Variants in OXR1 observed in about 807,000 individuals in gnomAD.
OXR1 encodes oxidation resistance 1.
Under a neutral mutation model 104.6 loss-of-function variants are expected in OXR1, and 41 were observed. The observed-to-expected ratio is 0.39, with a 90% confidence interval of 0.31 to 0.51. The LOEUF is 0.51. Among genes scored for constraint, OXR1 ranks in the 20% least tolerant of loss-of-function variants. The pLI is 0.77. For missense variants in OXR1, 955 were observed against 1,031.9 expected, an observed-to-expected ratio of 0.93 and a Z score of 1.02; for synonymous variants, 348 against 348.4, an observed-to-expected ratio of 1.00 and a Z score of 0.01.
intron 7 of OXR1, among the ~76,000 whole-genome samples, chr8:106,693,082 A>G (rs1295479119): frequency 6.6e-6 from 1 of 152,190 alleles, no homozygotes; most frequent in African/African-American, 2.4e-5. Context: ...GTTAAAAGTA[A>G]TGGAATATAA....
At chr8:106,700,441 G>A (rs1185046298) in intron 7 of OXR1, among the ~76,000 whole-genome samples, 1 of 152,184 alleles carries the variant, frequency 6.6e-6, no homozygotes, top group Non-Finnish European at 1.5e-5. Flanking sequence ...AGCCCCAGCT[G>A]TATGGGAACT....
intron 2 of OXR1, 102 bp downstream of exon 2, chr8:106,359,738 T>A: frequency 2.3e-6 from 2 of 852,564 alleles, no homozygotes; most frequent in Non-Finnish European, 3.8e-6. Context: ...AGAGAAAACT[T>A]AAAAATCTGG....
At chr8:106,422,531 T>TAA (rs5893791) in intron 2 of OXR1, among the ~76,000 whole-genome samples, 8 of 151,856 alleles carry the variant, frequency 5.3e-5, no homozygotes, top group African/African-American at 9.7e-5. Flanking sequence ...TATAAAATAG[T>TAA]AAAAAAAGAC....
intron 1 of OXR1, among the ~76,000 whole-genome samples, chr8:106,301,525 A>G (rs750874375): frequency 1.2e-4 from 18 of 152,172 alleles, no homozygotes; most frequent in Non-Finnish European, 1.5e-4. Context: ...TAGAAGAGCA[A>G]GGTTTGTATT....
chr8:106,627,396 CTGT>C (rs992137406), intron 3 of OXR1, among the ~76,000 whole-genome samples: 30 of 152,098 alleles, frequency 2.0e-4, no homozygotes, highest in African/African-American at 7.0e-4. Flanking sequence ...ATACTAAATG[CTGT>C]TGAGATAAGG....
intron 1 of OXR1, among the ~76,000 whole-genome samples, chr8:106,337,976 A>C (rs145732496): frequency 2.4e-4 from 36 of 152,154 alleles, no homozygotes; most frequent in African/African-American, 8.4e-4. Context: ...TTGTGGGAAA[A>C]CTCAGAGCAT....
chr8:106,403,883 ATGGG>A lies in OXR1; in HGVS notation c.23+44249_23+44252del, dbSNP rs755059335. Among the ~76,000 whole-genome samples the A allele has an allele frequency of 5.6e-4, 85 of 152,214 alleles. 1 individual carries two copies. Among genetic ancestry groups the A allele is most frequent in the Non-Finnish European group, 9.8e-4 (67 of 68,032 alleles). ...CTTTTGGAATGTAGCACAGCTCTTC[ATGGG>A]TCACACTTTGAACCTCACCTTTAGG... On this transcript the variant is annotated intron_variant, in intron 2 of 16. Transcript: ENST00000517566.
chr8:106,383,987 A>G (rs1487975126), intron 2 of OXR1, among the ~76,000 whole-genome samples: 2 of 152,222 alleles, frequency 1.3e-5, no homozygotes, highest in African/African-American at 4.8e-5. Flanking sequence ...AAAAGGTAGA[A>G]TGAATAGAAG....
intron 2 of OXR1, among the ~76,000 whole-genome samples, chr8:106,473,603 A>G (rs2129667208): frequency 6.6e-6 from 1 of 152,014 alleles, no homozygotes; most frequent in South Asian, 2.1e-4. Context: ...AAAAGGCTCT[A>G]AAAAGAGCCA....
intron 2 of OXR1, among the ~76,000 whole-genome samples, chr8:106,421,546 T>C (rs1022311361): frequency 5.9e-5 from 9 of 152,116 alleles, no homozygotes; most frequent in Admixed American, 5.9e-4. Context: ...GTCACATGGT[T>C]CTCACATGCC....
At chr8:106,739,686 T>C (rs1340889877) in intron 13 of OXR1, 103 bp downstream of exon 13, 1 of 1,041,696 alleles carries the variant, frequency 9.6e-7, no homozygotes, top group African/African-American at 1.6e-5. Flanking sequence ...GTTAATGCTA[T>C]TACTATTCCA....
chr8:106,313,103 T>C (rs1813776835), intron 1 of OXR1, among the ~76,000 whole-genome samples: 1 of 152,182 alleles, frequency 6.6e-6, no homozygotes, highest in South Asian at 2.1e-4. Flanking sequence ...CAGTAGTCAT[T>C]TCTTATTTTT....
At chr8:106,653,083 A>AAAT (rs1554611974) in intron 3 of OXR1, among the ~76,000 whole-genome samples, 3,919 of 137,020 alleles carry the variant, frequency 0.029, 73 homozygotes, top group Middle Eastern at 0.056. Flanking sequence ...AAAAAAAAAA[A>AAAT]ATATATATAT....
At chr8:106,573,931 GC>G (rs1817652133) in intron 3 of OXR1, among the ~76,000 whole-genome samples, 1 of 151,860 alleles carries the variant, frequency 6.6e-6, no homozygotes, top group South Asian at 2.1e-4. Context: ...AAAAAAGAAA[GC>G]ATTCATTCTT....
intron 2 of OXR1, among the ~76,000 whole-genome samples, chr8:106,370,763 G>A (rs1395728804): frequency 6.6e-6 from 1 of 152,272 alleles, no homozygotes; most frequent in Middle Eastern, 3.4e-3. Context: ...GATCATTGTG[G>A]ATAAGTTTTT....
chr8:106,415,869 G>A (rs1372059399), intron 2 of OXR1, among the ~76,000 whole-genome samples: 4 of 152,080 alleles, frequency 2.6e-5, no homozygotes, highest in Non-Finnish European at 4.4e-5. Context: ...TTGATGCATA[G>A]CATGGCATCT....
At chr8:106,401,674 T>C (rs866731981) in intron 2 of OXR1, among the ~76,000 whole-genome samples, 2 of 152,152 alleles carry the variant, frequency 1.3e-5, no homozygotes, top group Admixed American at 1.3e-4. Context: ...ATGCAACAAC[T>C]TATCCTTCAT....
intron 3 of OXR1, among the ~76,000 whole-genome samples, chr8:106,572,214 CA>C (rs1418086492): frequency 6.6e-5 from 10 of 152,134 alleles, no homozygotes; most frequent in African/African-American, 2.4e-4. Context: ...CTATAGATTC[CA>C]AAAAGTCTGA....
Position 106,419,479 on chromosome 8 carries a change from G to C in OXR1, c.23+59843G>C, listed in dbSNP as rs61084613. Among the ~76,000 whole-genome samples the C allele has an allele frequency of 6.0e-3, 920 of 152,282 alleles. 4 individuals are homozygous for C. Among genetic ancestry groups the C allele is most frequent in the African/African-American group, 0.021 (863 of 41,572 alleles). On this transcript the variant is annotated intron_variant, in intron 2 of 16. Coordinates refer to ENST00000517566, the MANE Select transcript of OXR1 (RefSeq NM_001198533.2). ...TGTTGTTGGCTCAAAAGCTAAACAG[G>C]TGATAGATGAGCTCATCATATAGCT...
Sources: allele counts gnomAD v4.1 joint callset (sites outside exome capture counted in the v4.1 genomes callset), GRCh38; gene constraint gnomAD v4.1.1; transcripts MANE v1.5; gene names NCBI Gene and HGNC (gene_info 2026-07-23, HGNC 2026-07-21).